Variants in BEGAIN observed in about 807,000 individuals in gnomAD.
BEGAIN encodes brain-enriched guanylate kinase-associated protein.
BEGAIN carries 19 observed loss-of-function variants against 35.8 expected under a neutral mutation model. The ratio of observed to expected loss-of-function variants is 0.53; its 90% CI spans 0.37 to 0.78. BEGAIN has a LOEUF of 0.78. Ranked by LOEUF, BEGAIN falls within the 30% of genes least tolerant of loss-of-function variation. The probability of loss-of-function intolerance (pLI) is 0.00; values close to 1 mark genes in which losing one functional copy is unlikely to be tolerated. For synonymous variants in BEGAIN, 462 were observed against 388.6 expected, an observed-to-expected ratio of 1.19 and a Z score of -2.22; for missense variants, 795 against 853.6, an observed-to-expected ratio of 0.93 and a Z score of 0.85.
rs1469656553 is a variant in BEGAIN at position 100,568,576 on chromosome 14, C to G, written c.43-637G>C. On this transcript the variant is annotated intron_variant, in intron 1 of 6. Coordinates refer to ENST00000554140, the MANE Select transcript of BEGAIN (RefSeq NM_001385089.1). The surrounding 1 kb of genome is among the most constrained non-coding windows in gnomAD (Gnocchi z 7.5). ...ATTAACCCGTGAGCGCCCGGCTCGC[C>G]GGCGGGGCTCCCTGCCTTGCTTGCG... 5.7e-6 allele frequency: 7 copies of G among 1,225,932 alleles called. No individual in the cohort carries two copies. The highest frequency in any genetic ancestry group is 7.5e-6 in the Non-Finnish European group (7 of 939,554). 75.9% of individuals were successfully genotyped at this position (1,225,932 alleles called of 1,614,324 possible). A position where few individuals can be genotyped will look rare whatever the true frequency, so the allele number is the denominator to read the frequency against.
Position 100,586,862 on chromosome 14 carries a change from C to T in BEGAIN, c.42+387G>A, listed in dbSNP as rs2035455571. 6.6e-6 allele frequency among the ~76,000 whole-genome samples: 1 copy of T among 152,126 alleles called. No individual in the cohort carries two copies. Among genetic ancestry groups the T allele is most frequent in the African/African-American group, 2.4e-5 (1 of 41,448 alleles). On this transcript the variant is annotated intron_variant, in intron 1 of 6. Coordinates refer to ENST00000554140, the MANE Select transcript of BEGAIN (RefSeq NM_001385089.1). The surrounding 1 kb of genome is among the most constrained non-coding windows in gnomAD (Gnocchi z 4.9). ...GCCCCCAGACGCAGGCGGGTCCAGG[C>T]CTGCCCGCACCCTCGCCACCCGCCC...
rs1394595960 is a variant in BEGAIN at position 100,541,443 on chromosome 14, T to TC, written c.409-865dup. Among the ~76,000 whole-genome samples the TC allele has an allele frequency of 4.6e-5, 7 of 152,120 alleles. No homozygotes were observed. The South Asian group carries it at 1.2e-3, about 27-fold the overall frequency. The stretch of plus-strand genomic sequence containing the variant: ...TGTCTCTGACACAGGCACCTTTCTG[T>TC]CCCCCCACCACGGCCCTGGAGCCTC... On this transcript the variant is annotated intron_variant, in intron 5 of 6. Coordinates refer to ENST00000554140, the MANE Select transcript of BEGAIN (RefSeq NM_001385089.1).
chr14:100,559,384 G>A (rs2034040478), intron 2 of BEGAIN, among the ~76,000 whole-genome samples: 1 of 152,222 alleles, frequency 6.6e-6, no homozygotes, highest in Admixed American at 6.5e-5. Context: ...CAGTCAATGT[G>A]CAGGGGCAGG....
rs1440556332 is a variant in BEGAIN, at chr14:100,567,847, TC to T, written c.71+63del. On this transcript the variant is annotated intron_variant, in intron 2 of 6. Transcript: ENST00000554140. This position sits in a 1 kb window ranked among gnomAD's most constrained non-coding sequence, Gnocchi z 5.1. Reference sequence around the variant, plus strand: ...CGGGTGGAGCCCCCTTCCCCCGCCTTCCCCAGCGCCCTCACCCCCGACCCGG... The same window carrying T: ...CGGGTGGAGCCCCCTTCCCCCGCCTTCCCAGCGCCCTCACCCCCGACCCGG... 4 of 1,427,624 alleles carry T rather than the reference TC, an allele frequency of 2.8e-6. No homozygotes were observed. Among genetic ancestry groups the T allele is most frequent in the Non-Finnish European group, 3.7e-6 (4 of 1,075,044 alleles). The allele number at this position is 1,427,624 out of a possible 1,614,324, so 88.4% of individuals were successfully genotyped here.
chr14:100,544,228 T>A (rs2032048039), intron 4 of BEGAIN, among the ~76,000 whole-genome samples: 4 of 152,122 alleles, frequency 2.6e-5, no homozygotes, highest in Admixed American at 2.6e-4. Context: ...GCGTCCTGCC[T>A]CAGGAGCTGG....
At chr14:100,545,306 C>T (rs2032223693) in intron 3 of BEGAIN, 26 of 1,349,618 alleles carry the variant, frequency 1.9e-5, no homozygotes, top group South Asian at 1.2e-4. Flanking sequence ...CCCTCCACCC[C>T]GGGACCCCCT....
Position 100,538,411 on chromosome 14 carries a change from C to T in BEGAIN, c.1397G>A (p.Arg466His), listed in dbSNP as rs773465732. 12 of 1,574,342 alleles carry T rather than the reference C, an allele frequency of 7.6e-6. No individual in the cohort carries two copies. In the East Asian group the frequency reaches 1.8e-4, roughly 24 times the overall value. Residue 466 changes from arginine to histidine, a missense_variant, in exon 7 of 7, where the codon CGC becomes CAC. Physicochemically the swap from Arg to His is conservative, Grantham distance 29. Transcript: ENST00000554140. ...GRASPCSFSE[R>H]YYGGAGGSPG... is the part of the protein sequence containing the mutation. The stretch of plus-strand genomic sequence containing the variant: ...GCTGCCCCCGGCCCCGCCGTAGTAG[C>T]GTTCAGAGAAGCTGCAGGGTGAGGC...
rs148438805 is a variant in BEGAIN at position 100,539,649 on chromosome 14, C to A, written c.493-334G>T. ...GATTCAGGCCCCACTCAAGGCTCCA[C>A]CCCCCGCCACCCCCACCCCACCCAT... On this transcript the variant is annotated intron_variant, in intron 6 of 6. Coordinates refer to ENST00000554140, the MANE Select transcript of BEGAIN (RefSeq NM_001385089.1). Among the ~76,000 whole-genome samples, 246 of 151,588 alleles carry A rather than the reference C, an allele frequency of 1.6e-3. 11 individuals carry two copies. In the East Asian group the frequency reaches 0.039, roughly 24 times the overall value.
intron 1 of BEGAIN, among the ~76,000 whole-genome samples, chr14:100,583,308 G>A (rs2035361186): frequency 6.6e-6 from 1 of 151,952 alleles, no homozygotes; most frequent in Admixed American, 6.6e-5. Flanking sequence ...CACTCTTCCA[G>A]TGTCCATTCA....
chr14:100,557,206 C>T (rs2139613149), intron 2 of BEGAIN, among the ~76,000 whole-genome samples: 1 of 152,356 alleles, frequency 6.6e-6, no homozygotes, highest in African/African-American at 2.4e-5. Flanking sequence ...CTGCCAGCCT[C>T]TTCCAGCCAC....
At chr14:100,546,774 G>GCTCA in intron 2 of BEGAIN, 112 bp from the exon 3 acceptor site, 1 of 756,576 alleles carries the variant, frequency 1.3e-6, no homozygotes, top group African/African-American at 2.7e-5. Context: ...GCGCGCGCGC[G>GCTCA]CGCGCGCACA....
Position 100,543,858 on chromosome 14 carries a change from G to T in BEGAIN, c.408C>A (p.Asn136Lys). The change falls in exon 5 of 7, where the codon AAC (asparagine) becomes AAA (lysine). Residue 136 changes from asparagine (N) to lysine (K), a missense_variant and splice_region_variant. Transcript: ENST00000554140. ...TGGGCCAAGTGTGTGCGGCACTCAC[G>T]TTGTCCTCTGACAGCTTGTCGATGG... Reference protein sequence around the residue: ...KVTIDKLSEDNELYRKDCNLA... With the variant: ...KVTIDKLSEDKELYRKDCNLA... 6.2e-7 allele frequency: 1 copy of T among 1,612,118 alleles called. No individual in the cohort carries two copies. Among genetic ancestry groups the T allele is most frequent in the South Asian group, 1.1e-5 (1 of 90,730 alleles).
intron 6 of BEGAIN, among the ~76,000 whole-genome samples, chr14:100,539,810 A>T (rs1170891807): frequency 6.6e-6 from 1 of 152,154 alleles, no homozygotes; most frequent in South Asian, 2.1e-4. Flanking sequence ...CAGATGCAAC[A>T]AAGATTGAGG....
In BEGAIN at chr14:100,563,256, A is replaced by G. The variant is rs1472048982; in HGVS notation, c.71+4655T>C. 6.6e-6 allele frequency among the ~76,000 whole-genome samples: 1 copy of G among 152,228 alleles called. No homozygotes were observed. The highest frequency in any genetic ancestry group is 1.5e-5 in the Non-Finnish European group (1 of 68,032). On this transcript the variant is annotated intron_variant, in intron 2 of 6. Coordinates refer to ENST00000554140, the MANE Select transcript of BEGAIN (RefSeq NM_001385089.1). The surrounding 1 kb of genome is among the most constrained non-coding windows in gnomAD (Gnocchi z 4.2). ...TGTGCAAAACCAAAACCAGAACCAA[A>G]AAGGAGCTCAACCTTGACCTCTAAC... is the stretch of plus-strand genomic sequence containing the variant.
rs1805191793 is a variant in BEGAIN, at chr14:100,539,090, G to C, written c.718C>G (p.Pro240Ala). The stretch of plus-strand genomic sequence containing the variant: ...CTGCAGTAGATGTCTCCCTTGTAGG[G>C]GGGCCGCGGGCCTGGTTTCTCCACC... ...DGVEKPGPRPPYKGDIYCSDT... is the reference protein window; with the variant it reads ...DGVEKPGPRPAYKGDIYCSDT... The change falls in exon 7 of 7, where the codon CCC becomes GCC. Residue 240 changes from proline to alanine, a missense_variant. Around this residue, in one of 3 missense-constraint regions of BEGAIN, gnomAD observed 664 missense variants for 647.7 expected, o/e 1.03. Transcript: ENST00000554140. 6.8e-6 allele frequency: 11 copies of C among 1,611,554 alleles called. No homozygotes were observed. Among genetic ancestry groups the C allele is most frequent in the Non-Finnish European group, 9.3e-6 (11 of 1,178,880 alleles).
intron 2 of BEGAIN, among the ~76,000 whole-genome samples, chr14:100,562,454 C>T (rs1283699449): frequency 6.6e-6 from 1 of 152,150 alleles, no homozygotes; most frequent in South Asian, 2.1e-4. Flanking sequence ...CTCAAACCCG[C>T]TCCTCCCCCA....
At position 100,568,989 on chromosome 14, in the gene BEGAIN, C is replaced by A. The variant is rs898820413; in HGVS notation, c.43-1050G>T. Reference sequence around the variant, plus strand: ...AGCGCGCTCCGCTCGGGTCCGGGCCCCACGCCGCCTCCCCCACCGCCCCGC... The same window carrying A: ...AGCGCGCTCCGCTCGGGTCCGGGCCACACGCCGCCTCCCCCACCGCCCCGC... On this transcript the variant is annotated intron_variant, in intron 1 of 6. Transcript: ENST00000554140. The surrounding 1 kb of genome is among the most constrained non-coding windows in gnomAD (Gnocchi z 7.5). The A allele has an allele frequency of 2.1e-6, 2 of 972,786 alleles. No individual in the cohort carries two copies. Among genetic ancestry groups the A allele is most frequent in the African/African-American group, 1.8e-5 (1 of 56,810 alleles). 60.3% of individuals were successfully genotyped at this position (972,786 alleles called of 1,614,324 possible).
At chr14:100,578,033 T>A in intron 1 of BEGAIN, 1 of 398,370 alleles carries the variant, frequency 2.5e-6, no homozygotes, top group Non-Finnish European at 4.4e-6. Context: ...GGGATCCCTG[T>A]GCCCTCTTGG....
At chr14:100,572,974 A>G (rs901020505) in intron 1 of BEGAIN, among the ~76,000 whole-genome samples, 4 of 152,016 alleles carry the variant, frequency 2.6e-5, no homozygotes, top group Non-Finnish European at 5.9e-5. Flanking sequence ...TGATATTCTC[A>G]TGCAGGAAGA....
Sources: gnomAD v4.1 joint callset for allele counts (sites outside exome capture counted in the v4.1 genomes callset) on GRCh38, gnomAD v4.1.1 for gene constraint, gnomAD v4.1.1 regional missense constraint, Gnocchi (gnomAD v3.1) non-coding constraint, MANE v1.5 for transcripts, NCBI Gene and HGNC (gene_info 2026-07-23, HGNC 2026-07-21) for gene names.